STK3: variants seen among roughly 807,000 people sequenced by gnomAD.
The protein encoded by STK3 is serine/threonine-protein kinase 3.
STK3 carries 41 observed loss-of-function variants against 58.0 expected under a neutral mutation model. The observed-to-expected ratio is 0.71, with a 90% CI of 0.55 to 0.92. The LOEUF (loss-of-function observed/expected upper bound fraction) is 0.92. Ranked by LOEUF, STK3 falls within the 40% of genes least tolerant of loss-of-function variation. The probability of loss-of-function intolerance (pLI) is 0.00; values close to 1 mark genes in which losing one functional copy is unlikely to be tolerated. For synonymous variants in STK3, 170 were observed against 191.0 expected, an observed-to-expected ratio of 0.89 and a Z score of 0.91; for missense variants, 479 against 602.7, an observed-to-expected ratio of 0.79 and a Z score of 2.15.
intron 6 of STK3, among the ~76,000 whole-genome samples, chr8:98,669,268 T>A (rs1438783831): frequency 6.6e-6 from 1 of 152,196 alleles, no homozygotes; most frequent in Non-Finnish European, 1.5e-5. Context: ...GTGCTGGGAT[T>A]ACAGGCGTGA....
intron 10 of STK3, among the ~76,000 whole-genome samples, chr8:98,518,543 A>G (rs1331906921): frequency 6.6e-6 from 1 of 152,154 alleles, no homozygotes; most frequent in Non-Finnish European, 1.5e-5. Flanking sequence ...CCCAGTGACT[A>G]AATTATTATT....
At position 98,902,707 on chromosome 8, in the gene STK3, G is replaced by T. The variant is rs576336974; in HGVS notation, c.-78-18873C>A. 6.8e-4 allele frequency among the ~76,000 whole-genome samples: 104 copies of T among 152,214 alleles called. 1 individual carries two copies. Among genetic ancestry groups the T allele is most frequent in the Admixed American group, 1.6e-3 (24 of 15,288 alleles). On this transcript the variant is annotated intron_variant, in intron 1 of 1. Transcript: ENST00000519420. ...GATCATTTAAAAACATAGTAAATGGGGTCATGTCACTATCCTACACAAAAA... is the reference window on the plus strand; with the variant it reads ...GATCATTTAAAAACATAGTAAATGGTGTCATGTCACTATCCTACACAAAAA...
intron 4 of STK3, among the ~76,000 whole-genome samples, chr8:98,738,671 CG>C (rs1828853201): frequency 6.6e-6 from 1 of 152,254 alleles, no homozygotes; most frequent in Non-Finnish European, 1.5e-5. Context: ...ACGCAGAAGA[CG>C]GGTGATTTCT....
intron 6 of STK3, chr8:98,602,079 C>T (rs1816397541): frequency 6.6e-6 from 1 of 152,188 alleles, no homozygotes; most frequent in Admixed American, 6.5e-5. Context: ...CAAGTGCTAT[C>T]ACTGTTTAAT....
In STK3 at chr8:98,582,024, G is replaced by A. The variant is rs763380385; in HGVS notation, c.823-2235C>T. Among the ~76,000 whole-genome samples, 173 of 152,048 alleles carry A rather than the reference G, an allele frequency of 1.1e-3. 1 individual carries two copies. The highest frequency in any genetic ancestry group is 2.7e-3 in the South Asian group (13 of 4,820). On this transcript the variant is annotated intron_variant, in intron 7 of 10. Coordinates refer to ENST00000419617, the MANE Select transcript of STK3 (RefSeq NM_006281.4). The stretch of plus-strand genomic sequence containing the variant: ...ATTAATTTTGAACACTATCAGTTTA[G>A]AAATTGATAATTCAGAACATGAACA...
At chr8:98,583,823 C>T (rs1019725162) in intron 7 of STK3, among the ~76,000 whole-genome samples, 5 of 150,142 alleles carry the variant, frequency 3.3e-5, no homozygotes, top group African/African-American at 1.2e-4. Context: ...GAAAATAAAC[C>T]TATGGGTAAG....
chr8:98,366,803 A>T (rs1312165669), downstream of STK3, among the ~76,000 whole-genome samples: 1 of 150,418 alleles, frequency 6.6e-6, no homozygotes, highest in Non-Finnish European at 1.5e-5. Context: ...CAGCCTCCCC[A>T]GTTTTGCCCC....
upstream of STK3, among the ~76,000 whole-genome samples, chr8:98,389,969 A>C (rs1028850775): frequency 3.9e-5 from 6 of 151,908 alleles, no homozygotes; most frequent in African/African-American, 1.5e-4. Flanking sequence ...TTTCTGCATG[A>C]GCCCCCCTTT....
At chr8:98,503,838 G>T (rs188573947) in intron 10 of STK3, among the ~76,000 whole-genome samples, 1 of 152,272 alleles carries the variant, frequency 6.6e-6, no homozygotes, top group African/African-American at 2.4e-5. Flanking sequence ...GGTCAATTTT[G>T]GAATAAGTGT....
intron 8 of STK3, among the ~76,000 whole-genome samples, chr8:98,577,350 A>T (rs912677779): frequency 1.3e-5 from 2 of 152,042 alleles, no homozygotes; most frequent in African/African-American, 4.8e-5. Context: ...AGCCGGGTAT[A>T]GTGGCATGAG....
intron 1 of STK3, among the ~76,000 whole-genome samples, chr8:98,926,149 T>C (rs184788873): frequency 4.7e-4 from 71 of 152,292 alleles, no homozygotes; most frequent in African/African-American, 1.6e-3. Flanking sequence ...CTGTTGGAAA[T>C]GTGCCTTCTA....
intron 10 of STK3, among the ~76,000 whole-genome samples, chr8:98,490,445 C>CCTTT (rs1822597921): frequency 3.9e-5 from 6 of 152,264 alleles, no homozygotes; most frequent in Middle Eastern, 3.4e-3. Flanking sequence ...TAATAGCTGA[C>CCTTT]ACTCTTTTTT....
At chr8:98,769,274 T>C (rs111775004) in intron 2 of STK3, among the ~76,000 whole-genome samples, 1 of 152,358 alleles carries the variant, frequency 6.6e-6, no homozygotes, top group East Asian at 1.9e-4. Context: ...TCTCATCTTG[T>C]AGCTCCCATA....
At chr8:98,506,778 G>A (rs1824117814) in intron 10 of STK3, among the ~76,000 whole-genome samples, 2 of 152,180 alleles carry the variant, frequency 1.3e-5, no homozygotes. Context: ...TCCAGATACT[G>A]AAAAGTAAAA....
chr8:98,742,965 G>C (rs962167563), intron 4 of STK3, among the ~76,000 whole-genome samples: 19 of 151,816 alleles, frequency 1.3e-4, no homozygotes, highest in African/African-American at 4.6e-4. Flanking sequence ...AATCATGAGT[G>C]AATTCCCATT....
intron 2 of STK3, among the ~76,000 whole-genome samples, chr8:98,767,904 T>C (rs1284251166): frequency 6.6e-6 from 1 of 152,182 alleles, no homozygotes; most frequent in East Asian, 1.9e-4. Context: ...GGTCTCTTTT[T>C]AAAAAGTTCC....
intron 1 of STK3, among the ~76,000 whole-genome samples, chr8:98,824,610 C>T (rs1185903202): frequency 1.3e-5 from 2 of 152,194 alleles, no homozygotes; most frequent in Non-Finnish European, 2.9e-5. Flanking sequence ...CACGACCCCC[C>T]CTTTTTTTCA....
At chr8:98,637,791 C>A (rs1271659667) in intron 6 of STK3, among the ~76,000 whole-genome samples, 2 of 152,082 alleles carry the variant, frequency 1.3e-5, no homozygotes, top group South Asian at 4.2e-4. Context: ...CAAACCCACA[C>A]AAAAAAAGAT....
chr8:98,443,353 T>C (rs1219648305), intron 1 of STK3, among the ~76,000 whole-genome samples: 3 of 152,174 alleles, frequency 2.0e-5, no homozygotes, highest in Non-Finnish European at 2.9e-5. Flanking sequence ...CGATAACAGG[T>C]ATGATTTTGT....
Sources: gnomAD v4.1 joint callset for allele counts (sites outside exome capture counted in the v4.1 genomes callset) on GRCh38, gnomAD v4.1.1 for gene constraint, MANE v1.5 for transcripts, NCBI Gene and HGNC (gene_info 2026-07-23, HGNC 2026-07-21) for gene names.